Variants in SCMH1 observed in about 807,000 individuals in gnomAD.
SCMH1 encodes Scm polycomb group protein homolog 1.
In SCMH1, 37 loss-of-function variants were observed where a neutral mutation model predicts 70.8. The ratio of observed to expected loss-of-function variants is 0.52; its 90% CI spans 0.40 to 0.69. The LOEUF (loss-of-function observed/expected upper bound fraction) is 0.69. Ranked by LOEUF, SCMH1 falls within the 30% of genes least tolerant of loss-of-function variation. The pLI is 0.00. For synonymous variants in SCMH1, 292 were observed against 307.4 expected (o/e 0.95, Z 0.52); for missense variants, 607 against 827.3 (o/e 0.73, Z 3.27).
chr1:41,121,580 T>A (rs1210239980), intron 6 of SCMH1, among the ~76,000 whole-genome samples: 2 of 152,154 alleles, frequency 1.3e-5, no homozygotes, highest in African/African-American at 4.8e-5. Flanking sequence ...GTAGAGCACC[T>A]CAGTGCTCAG....
chr1:41,159,790 T>A, intron 4 of SCMH1: 1 of 1,490,562 alleles, frequency 6.7e-7, no homozygotes, highest in African/African-American at 1.4e-5. Flanking sequence ...TCAAAGAATG[T>A]CAGAAGATTT....
At chr1:41,220,295 T>C (rs1429979562) in intron 1 of SCMH1, among the ~76,000 whole-genome samples, 1 of 152,212 alleles carries the variant, frequency 6.6e-6, no homozygotes, top group Non-Finnish European at 1.5e-5. Flanking sequence ...TGAAGGAGTT[T>C]TACCAGAGTT....
chr1:41,160,235 G>T (rs1645904407), intron 4 of SCMH1, among the ~76,000 whole-genome samples: 1 of 152,104 alleles, frequency 6.6e-6, no homozygotes, highest in Admixed American at 6.5e-5. Flanking sequence ...CAGGTATCTG[G>T]ATATCAAAAT....
chr1:41,129,372 G>A (rs1674032632), intron 6 of SCMH1, among the ~76,000 whole-genome samples: 2 of 151,984 alleles, frequency 1.3e-5, no homozygotes, highest in Non-Finnish European at 2.9e-5. Flanking sequence ...TCCTCCCTCA[G>A]CTCCTGGCAA....
At position 41,028,689 on chromosome 1, in the gene SCMH1, T is replaced by G. The variant is rs752695039; in HGVS notation, c.1716A>C (p.Arg572=). 5 of 1,613,946 alleles carry G rather than the reference T, an allele frequency of 3.1e-6. No homozygotes were observed. The Admixed American group carries it at 6.7e-5, about 22-fold the overall frequency. Residue 572 remains arginine, a synonymous_variant, in exon 14 of 15, where the codon CGA becomes CGC. Coordinates refer to ENST00000337495, the Ensembl canonical transcript of SCMH1. The stretch of plus-strand genomic sequence containing the variant: ...ATGAGGAGGGGTCCCGGCCACTCAG[T>G]CGAGAGGCATCGCGGCTCTCCAGGT...
At chr1:41,104,026 C>G (rs1323653132) in intron 8 of SCMH1, among the ~76,000 whole-genome samples, 1 of 152,110 alleles carries the variant, frequency 6.6e-6, no homozygotes, top group East Asian at 1.9e-4. Context: ...TTTATTTTTC[C>G]TGACCAAAAT....
intron 5 of SCMH1, among the ~76,000 whole-genome samples, chr1:41,149,177 A>G (rs1020208897): frequency 6.6e-6 from 1 of 152,176 alleles, no homozygotes; most frequent in Non-Finnish European, 1.5e-5. Context: ...TGGGACTCCA[A>G]TTACACGTCT....
At chr1:41,151,781 G>T in intron 4 of SCMH1, 97 bp from the exon 5 acceptor site, 1 of 707,442 alleles carries the variant, frequency 1.4e-6, no homozygotes, top group Admixed American at 2.6e-5. Context: ...TTGTAGACTG[G>T]TTTTGAGCAT....
intron 8 of SCMH1, among the ~76,000 whole-genome samples, chr1:41,091,430 T>C (rs1415918586): frequency 2.0e-5 from 3 of 152,182 alleles, no homozygotes; most frequent in Non-Finnish European, 4.4e-5. Context: ...GCCAATATCA[T>C]ACTGAATGAG....
At chr1:41,235,431 C>G (rs556161517) in intron 1 of SCMH1, among the ~76,000 whole-genome samples, 4 of 151,450 alleles carry the variant, frequency 2.6e-5, no homozygotes, top group African/African-American at 9.7e-5. Context: ...TTTAGCCAGG[C>G]GTGGTGGTGC....
intron 10 of SCMH1, among the ~76,000 whole-genome samples, chr1:41,057,335 G>A (rs988890664): frequency 5.3e-5 from 8 of 151,898 alleles, no homozygotes; most frequent in African/African-American, 1.5e-4. Context: ...GCATGATCTC[G>A]GCTCCCTGCA....
chr1:41,034,073 A>G (rs1644933906), intron 13 of SCMH1, 25 bp from the exon 14 acceptor site: 1 of 1,591,076 alleles, frequency 6.3e-7, no homozygotes, highest in Non-Finnish European at 8.6e-7. Flanking sequence ...GGTTGGTGTC[A>G]CCATCTCCAG....
At chr1:41,067,121 G>A (rs1480051767) in intron 10 of SCMH1, among the ~76,000 whole-genome samples, 1 of 151,958 alleles carries the variant, frequency 6.6e-6, no homozygotes, top group East Asian at 1.9e-4. Context: ...GAAACATCTG[G>A]ACAATGAAAT....
chr1:41,129,279 C>T (rs576712103), intron 6 of SCMH1, among the ~76,000 whole-genome samples: 3 of 152,214 alleles, frequency 2.0e-5, no homozygotes, highest in African/African-American at 7.2e-5. Flanking sequence ...CATTATTAGG[C>T]AACTATCACC....
Position 41,237,000 on chromosome 1 carries a change from G to C in SCMH1, c.-118+5059C>G, listed in dbSNP as rs181549455. ...TGGTTAAATTCCCTCATTCACAGAT[G>C]GGGAGAGAAAGACCCAACATTTGAG... On this transcript the variant is annotated intron_variant, in intron 1 of 14. Coordinates refer to ENST00000337495, the Ensembl canonical transcript of SCMH1. Among the ~76,000 whole-genome samples the C allele has an allele frequency of 2.6e-5, 4 of 152,302 alleles. No homozygotes were observed. In the East Asian group the frequency reaches 7.7e-4, roughly 29 times the overall value.
At chr1:41,152,646 C>T (rs1455987533) in intron 4 of SCMH1, 2 of 1,614,182 alleles carry the variant, frequency 1.2e-6, no homozygotes, top group South Asian at 1.1e-5. Flanking sequence ...GAGAATCTCA[C>T]AAGCTAAAAC....
At chr1:41,205,163 G>A (rs1410591467) in intron 1 of SCMH1, among the ~76,000 whole-genome samples, 1 of 152,176 alleles carries the variant, frequency 6.6e-6, no homozygotes, top group Non-Finnish European at 1.5e-5. Flanking sequence ...TTCCAACTGA[G>A]GTATCTGGTT....
chr1:41,193,348 T>TA (rs1283235336), intron 1 of SCMH1, among the ~76,000 whole-genome samples: 1 of 152,184 alleles, frequency 6.6e-6, no homozygotes, highest in Non-Finnish European at 1.5e-5. Context: ...AGTAACATGT[T>TA]AAAGACACAA....
At chr1:41,102,072 G>C (rs1010494888) in intron 8 of SCMH1, among the ~76,000 whole-genome samples, 6 of 152,156 alleles carry the variant, frequency 3.9e-5, no homozygotes, top group Admixed American at 3.3e-4. Context: ...CTGCCCAAAA[G>C]AATTTATCAT....
Sources: allele counts gnomAD v4.1 joint callset (sites outside exome capture counted in the v4.1 genomes callset), GRCh38; gene constraint gnomAD v4.1.1; transcripts MANE v1.5; gene names NCBI Gene and HGNC (gene_info 2026-07-23, HGNC 2026-07-21).